The following NAALADL2 variants were observed in gnomAD, a reference collection of about 807,000 sequenced individuals.
The protein encoded by NAALADL2 is inactive N-acetylated-alpha-linked acidic dipeptidase-like protein 2.
In NAALADL2, 76 loss-of-function variants were observed where a neutral mutation model predicts 87.2. That is an observed-to-expected ratio of 0.87 (90% CI 0.72 to 1.05). The LOEUF (loss-of-function observed/expected upper bound fraction) is 1.05, where lower values mean the gene tolerates loss of function less well. Ranked by LOEUF, NAALADL2 falls within the 50% of genes least tolerant of loss-of-function variation. The pLI, the probability that NAALADL2 is intolerant of heterozygous loss-of-function variation, is 0.00. For synonymous variants in NAALADL2, 354 were observed against 331.0 expected (o/e 1.07, Z -0.75); for missense variants, 1,089 against 945.8 (o/e 1.15, Z -1.99).
intron 1 of NAALADL2, among the ~76,000 whole-genome samples, chr3:174,956,458 A>T (rs1741167362): frequency 6.6e-6 from 1 of 152,080 alleles, no homozygotes; most frequent in Non-Finnish European, 1.5e-5. Context: ...TGGGCAATTT[A>T]TTTAGCCCCT....
rs530889425 is a variant in NAALADL2 at position 174,615,245 on chromosome 3, A to C, written c.-115+64608A>C. ...ATTGACATGTTTATCCTTACTTTTAAGAAAGACTGGGAACTGGATCTGATC... is the reference window on the plus strand; with the variant it reads ...ATTGACATGTTTATCCTTACTTTTACGAAAGACTGGGAACTGGATCTGATC... On this transcript the variant is annotated intron_variant, in intron 2 of 3. Coordinates refer to the NAALADL2 transcript ENST00000434257. Among the ~76,000 whole-genome samples, 4 of 152,340 alleles carry C rather than the reference A, an allele frequency of 2.6e-5. No homozygotes were observed. The South Asian group carries it at 8.3e-4, about 32-fold the overall frequency.
intron 1 of NAALADL2, among the ~76,000 whole-genome samples, chr3:175,015,720 A>T (rs1345651953): frequency 6.6e-6 from 1 of 152,140 alleles, no homozygotes; most frequent in African/African-American, 2.4e-5. Flanking sequence ...GTAACATACT[A>T]AAATAGTTTT....
At chr3:175,310,898 CTGTT>C (rs375549835) in intron 4 of NAALADL2, among the ~76,000 whole-genome samples, 162 of 151,658 alleles carry the variant, frequency 1.1e-3, no homozygotes, top group Middle Eastern at 3.4e-3. Context: ...TGAATATAAT[CTGTT>C]TGGTTCAAAA....
At chr3:175,244,860 G>A (rs1225759337) in intron 3 of NAALADL2, among the ~76,000 whole-genome samples, 1 of 152,126 alleles carries the variant, frequency 6.6e-6, no homozygotes, top group Non-Finnish European at 1.5e-5. Context: ...TTTGGGGCAT[G>A]TCAGCATTGA....
At chr3:175,631,458 T>TC (rs1560883289) in intron 11 of NAALADL2, among the ~76,000 whole-genome samples, 1 of 151,638 alleles carries the variant, frequency 6.6e-6, no homozygotes, top group African/African-American at 2.4e-5. Flanking sequence ...TTCTTTTTTT[T>TC]TTTTTTTACA....
At chr3:174,766,639 T>C (rs1005011993) in intron 3 of NAALADL2, among the ~76,000 whole-genome samples, 20 of 152,248 alleles carry the variant, frequency 1.3e-4, no homozygotes, top group African/African-American at 3.9e-4. Flanking sequence ...ATTATCTTTA[T>C]TTAAACACTA....
intron 2 of NAALADL2, among the ~76,000 whole-genome samples, chr3:175,171,846 G>A (rs530888547): frequency 6.6e-6 from 1 of 152,216 alleles, no homozygotes; most frequent in South Asian, 2.1e-4. Context: ...TATGTGGAGA[G>A]TTTAAAATGT....
At chr3:175,702,948 C>T (rs1739188237) in intron 11 of NAALADL2, among the ~76,000 whole-genome samples, 1 of 151,926 alleles carries the variant, frequency 6.6e-6, no homozygotes, top group Non-Finnish European at 1.5e-5. Flanking sequence ...TGAGATGTTT[C>T]TCATAACTAG....
At chr3:175,091,859 A>C (rs1437009088) in intron 1 of NAALADL2, among the ~76,000 whole-genome samples, 1 of 151,984 alleles carries the variant, frequency 6.6e-6, no homozygotes, top group Non-Finnish European at 1.5e-5. Context: ...CTAATGATTA[A>C]CAAGATGCTT....
intron 2 of NAALADL2, among the ~76,000 whole-genome samples, chr3:175,107,938 C>T (rs557441596): frequency 7.1e-6 from 1 of 139,944 alleles, no homozygotes; most frequent in African/African-American, 2.8e-5. Flanking sequence ...CCAAATTTCA[C>T]AAAGTATCAT....
At chr3:175,300,198 A>T (rs1252798499) in intron 4 of NAALADL2, among the ~76,000 whole-genome samples, 2 of 152,046 alleles carry the variant, frequency 1.3e-5, no homozygotes, top group Non-Finnish European at 2.9e-5. Flanking sequence ...CCAGTATTTT[A>T]TTGAGGATTT....
At chr3:174,791,193 T>A (rs1387274142) in intron 3 of NAALADL2, among the ~76,000 whole-genome samples, 1 of 152,232 alleles carries the variant, frequency 6.6e-6, no homozygotes, top group African/African-American at 2.4e-5. Context: ...AGTACCCCTC[T>A]TATATGTGGG....
At chr3:175,112,936 A>T in intron 2 of NAALADL2, among the ~76,000 whole-genome samples, 1 of 151,656 alleles carries the variant, frequency 6.6e-6, no homozygotes, top group East Asian at 1.9e-4. Flanking sequence ...TAATATATAG[A>T]TATGAGACAT....
chr3:175,005,124 T>G (rs1748839714), intron 1 of NAALADL2, among the ~76,000 whole-genome samples: 1 of 152,204 alleles, frequency 6.6e-6, no homozygotes. Flanking sequence ...ATGTTTTCAC[T>G]ATATGCCCGG....
At chr3:175,221,199 A>T (rs1011313429) in intron 2 of NAALADL2, among the ~76,000 whole-genome samples, 4 of 6,966 alleles carry the variant, frequency 5.7e-4, no homozygotes, top group Admixed American at 2.0e-3. Flanking sequence ...ACTCCGTTTT[A>T]AAAAAAAAAA....
In NAALADL2 at chr3:174,866,605, A is replaced by G. The variant is rs141506625; in HGVS notation, c.43+7155A>G. Among the ~76,000 whole-genome samples the G allele has an allele frequency of 7.9e-5, 12 of 151,912 alleles. No homozygotes were observed. In the East Asian group the frequency reaches 2.1e-3, roughly 27 times the overall value. On this transcript the variant is annotated intron_variant, in intron 1 of 13. Coordinates refer to ENST00000454872, the MANE Select transcript of NAALADL2 (RefSeq NM_207015.3). The stretch of plus-strand genomic sequence containing the variant: ...TGTCCCAGAGTTCCTAATGAATTTT[A>G]TATAGGTGTTTTGCATTTATTTTGG...
chr3:174,851,851 C>A (rs1725297987), intron 3 of NAALADL2, among the ~76,000 whole-genome samples: 1 of 152,066 alleles, frequency 6.6e-6, no homozygotes, highest in Admixed American at 6.6e-5. Flanking sequence ...AAACTGAATT[C>A]AACAACACAT....
rs564243718 is a variant in NAALADL2 at position 175,394,379 on chromosome 3, G to A, written c.1091-52850G>A. On this transcript the variant is annotated intron_variant, in intron 5 of 13. Transcript: ENST00000454872. ...TGAAGGGAGGACTTCTACTTTAGGC[G>A]ATCATATTCTGGAGGTGATGGATAA... is the stretch of plus-strand genomic sequence containing the variant. 4.6e-5 allele frequency among the ~76,000 whole-genome samples: 7 copies of A among 152,238 alleles called. No homozygotes were observed. The East Asian group carries it at 9.6e-4, about 21-fold the overall frequency.
intron 13 of NAALADL2, among the ~76,000 whole-genome samples, chr3:175,756,077 C>T (rs1747232463): frequency 6.6e-6 from 1 of 151,964 alleles, no homozygotes; most frequent in Admixed American, 6.6e-5. Flanking sequence ...TTATGGTACC[C>T]ATCAATCATC....
Sources: allele counts gnomAD v4.1 joint callset (sites outside exome capture counted in the v4.1 genomes callset), GRCh38; gene constraint gnomAD v4.1.1; transcripts MANE v1.5; gene names NCBI Gene and HGNC (gene_info 2026-07-23, HGNC 2026-07-21).